Variants in FMNL2 observed in about 807,000 individuals in gnomAD.
The protein encoded by FMNL2 is formin like 2.
Under a neutral mutation model 130.2 loss-of-function variants are expected in FMNL2, and 51 were observed. That is an observed-to-expected ratio of 0.39 (90% confidence interval 0.31 to 0.49). The LOEUF (loss-of-function observed/expected upper bound fraction) is 0.49. Ranked by LOEUF, FMNL2 falls within the 20% of genes least tolerant of loss-of-function variation. The pLI is 0.85. For synonymous variants in FMNL2, 465 were observed against 467.1 expected (o/e 1.00, Z 0.06); for missense variants, 977 against 1,316.2 (o/e 0.74, Z 3.99).
chr2:152,408,777 A>C (rs7576568), intron 1 of FMNL2, among the ~76,000 whole-genome samples: 5,781 of 152,258 alleles, frequency 0.038, 184 homozygotes, highest in African/African-American at 0.087. Flanking sequence ...TGAATATCTC[A>C]TGTAATTTAT....
At chr2:152,626,444 G>C (rs1448120789) in intron 16 of FMNL2, 81 bp from the exon 17 acceptor site, 11 of 1,207,036 alleles carry the variant, frequency 9.1e-6, no homozygotes, top group Admixed American at 2.6e-5. Context: ...TGACGTTTTT[G>C]CTTAAGAAAC....
intron 9 of FMNL2, among the ~76,000 whole-genome samples, chr2:152,606,583 GA>G (rs1698364972): frequency 2.2e-5 from 3 of 137,540 alleles, no homozygotes; most frequent in Admixed American, 7.3e-5. Flanking sequence ...AAAAAAGAAA[GA>G]AAAAAAGTCC....
At chr2:152,410,342 G>A (rs910757252) in intron 1 of FMNL2, among the ~76,000 whole-genome samples, 4 of 152,156 alleles carry the variant, frequency 2.6e-5, no homozygotes, top group African/African-American at 9.7e-5. Context: ...AATGATTGGC[G>A]TCTCACTGCA....
At chr2:152,622,637 T>TC (rs1681431481) in intron 15 of FMNL2, 1 of 456,244 alleles carries the variant, frequency 2.2e-6, no homozygotes, top group African/African-American at 2.0e-5. Context: ...ATCTTTCCAC[T>TC]CCATTTTGCT....
At chr2:152,511,425 A>G (rs971917527) in intron 1 of FMNL2, among the ~76,000 whole-genome samples, 6 of 152,252 alleles carry the variant, frequency 3.9e-5, no homozygotes, top group African/African-American at 9.6e-5. Flanking sequence ...TATGACAGCA[A>G]GTCTACCTTT....
intron 1 of FMNL2, among the ~76,000 whole-genome samples, chr2:152,394,500 T>A (rs1685286689): frequency 1.3e-5 from 2 of 152,156 alleles, no homozygotes; most frequent in South Asian, 4.1e-4. Context: ...CATGAGTTCC[T>A]CTTAGTTCTT....
intron 1 of FMNL2, among the ~76,000 whole-genome samples, chr2:152,485,343 T>C (rs1457615281): frequency 1.3e-5 from 2 of 151,998 alleles, no homozygotes; most frequent in African/African-American, 4.8e-5. Flanking sequence ...ATACAAAAAT[T>C]AGCCAGGCAT....
chr2:152,379,949 G>A (rs1178118097), intron 1 of FMNL2, among the ~76,000 whole-genome samples: 2 of 152,190 alleles, frequency 1.3e-5, no homozygotes, highest in Non-Finnish European at 2.9e-5. Context: ...ATTTATTAAG[G>A]TGCCTTCAAA....
At chr2:152,593,902 TGAGA>T (rs143746034) in intron 9 of FMNL2, among the ~76,000 whole-genome samples, 9,160 of 80,690 alleles carry the variant, frequency 0.11, 319 homozygotes, top group Non-Finnish European at 0.15. Context: ...TGTGTGTGTG[TGAGA>T]GAGAGAGAGA....
At chr2:152,615,545 T>A (rs921639975) in intron 12 of FMNL2, among the ~76,000 whole-genome samples, 5 of 152,230 alleles carry the variant, frequency 3.3e-5, no homozygotes, top group Admixed American at 1.3e-4. Context: ...GTCCTCAGTA[T>A]CGTTGTCAGC....
chr2:152,543,091 A>G (rs1200314254), intron 3 of FMNL2, among the ~76,000 whole-genome samples: 1 of 152,226 alleles, frequency 6.6e-6, no homozygotes, highest in Non-Finnish European at 1.5e-5. Context: ...TAGGGCAGTG[A>G]GTGCATTCCA....
At chr2:152,585,345 T>C (rs1697007013) in intron 9 of FMNL2, among the ~76,000 whole-genome samples, 2 of 152,166 alleles carry the variant, frequency 1.3e-5, no homozygotes, top group Admixed American at 1.3e-4. Flanking sequence ...CCTAAATTGA[T>C]GTTTTCTTAG....
chr2:152,407,198 G>GTTT lies in FMNL2; in HGVS notation c.117+71486_117+71488dup, dbSNP rs57572263. ...AAAATATTTTTCACTTTCTGTTTTT[G>GTTT]TTTTTTTTTTCTTTCCCCCTGAAGC... On this transcript the variant is annotated intron_variant, in intron 1 of 25. Transcript: ENST00000288670. 4.7e-3 allele frequency among the ~76,000 whole-genome samples: 704 copies of GTTT among 148,780 alleles called. 3 individuals carry two copies. Among genetic ancestry groups the GTTT allele is most frequent in the African/African-American group, 0.013 (535 of 40,678 alleles).
intron 7 of FMNL2, among the ~76,000 whole-genome samples, chr2:152,576,463 C>G (rs1446296017): frequency 6.6e-6 from 1 of 152,156 alleles, no homozygotes; most frequent in East Asian, 1.9e-4. Flanking sequence ...TTTTAAACCT[C>G]TTAAGTCATG....
At chr2:152,390,113 A>G in intron 1 of FMNL2, 1 of 1,380,574 alleles carries the variant, frequency 7.2e-7, no homozygotes, top group Non-Finnish European at 1.0e-6. Context: ...ACAAAGGAAA[A>G]CTGAAGCCCA....
At chr2:152,606,629 C>CTTT (rs70974875) in intron 9 of FMNL2, among the ~76,000 whole-genome samples, 1 of 105,478 alleles carries the variant, frequency 9.5e-6, no homozygotes, top group Non-Finnish European at 1.9e-5. Flanking sequence ...TTTTTTGACT[C>CTTT]TTTTTTTTTT....
At chr2:152,443,323 G>T (rs1211013614) in intron 1 of FMNL2, among the ~76,000 whole-genome samples, 2 of 150,382 alleles carry the variant, frequency 1.3e-5, no homozygotes, top group African/African-American at 2.5e-5. Flanking sequence ...GTGGGGAGAG[G>T]CTTCTACCAC....
chr2:152,509,465 T>C (rs1020775124), intron 1 of FMNL2, among the ~76,000 whole-genome samples: 2 of 152,026 alleles, frequency 1.3e-5, no homozygotes, highest in Non-Finnish European at 2.9e-5. Context: ...CTGAGTATTA[T>C]AGAAAGCATC....
intron 1 of FMNL2, among the ~76,000 whole-genome samples, chr2:152,452,799 G>C (rs1346167032): frequency 6.6e-6 from 1 of 152,072 alleles, no homozygotes; most frequent in Non-Finnish European, 1.5e-5. Flanking sequence ...GAGGGCTGTC[G>C]TACCAGGTGA....
Sources: allele counts gnomAD v4.1 joint callset (sites outside exome capture counted in the v4.1 genomes callset), GRCh38; gene constraint gnomAD v4.1.1; transcripts MANE v1.5; gene names NCBI Gene and HGNC (gene_info 2026-07-23, HGNC 2026-07-21).